Variants in BORCS5 observed in about 807,000 individuals in gnomAD.
The protein encoded by BORCS5 is BLOC-1-related complex subunit 5.
BORCS5 carries 17 observed loss-of-function variants against 22.1 expected under a neutral mutation model. The ratio of observed to expected loss-of-function variants is 0.77; its 90% CI spans 0.53 to 1.15. The LOEUF is 1.15. Ranked by LOEUF, BORCS5 falls within the 50% of genes most tolerant of loss-of-function variation. BORCS5 has a pLI of 0.00. For synonymous variants in BORCS5, 117 were observed against 99.8 expected, an observed-to-expected ratio of 1.17 and a Z score of -1.03; for missense variants, 247 against 253.2, an observed-to-expected ratio of 0.98 and a Z score of 0.17.
At chr12:12,445,293 A>T (rs929479295) in intron 3 of BORCS5, among the ~76,000 whole-genome samples, 1 of 150,700 alleles carries the variant, frequency 6.6e-6, no homozygotes, top group Non-Finnish European at 1.5e-5. Flanking sequence ...CCTCCTACCC[A>T]CCTCCCCAAA....
intron 2 of BORCS5, among the ~76,000 whole-genome samples, chr12:12,424,819 G>A (rs967050814): frequency 6.6e-6 from 1 of 152,156 alleles, no homozygotes; most frequent in Non-Finnish European, 1.5e-5. Flanking sequence ...GGCATGCATA[G>A]CAACTTTCTA....
Position 12,466,095 on chromosome 12 carries a change from A to C in BORCS5, c.*319A>C. On this transcript the variant is annotated 3_prime_UTR_variant, in exon 4 of 4. Transcript: ENST00000314565. The stretch of plus-strand genomic sequence containing the variant: ...TTTTTTTTTTTTTAATTGAGAGTAT[A>C]TAGTCCAGTCCAGGTACCGGAATAA... 1 of 248,256 alleles carries C rather than the reference A, an allele frequency of 4.0e-6. No individual in the cohort carries two copies. The highest frequency in any genetic ancestry group is 7.7e-6 in the Non-Finnish European group (1 of 129,592). The allele number at this position is 248,256 out of a possible 1,614,324, so 15.4% of individuals were successfully genotyped here. A position where few individuals can be genotyped will look rare whatever the true frequency, so the allele number is the denominator to read the frequency against.
intron 3 of BORCS5, among the ~76,000 whole-genome samples, chr12:12,459,791 CT>C (rs1422832938): frequency 1.3e-5 from 2 of 152,104 alleles, no homozygotes; most frequent in African/African-American, 4.8e-5. Context: ...TGTTGAAAAA[CT>C]TTTTTCCCCC....
intron 3 of BORCS5, among the ~76,000 whole-genome samples, chr12:12,456,834 G>A (rs1943005833): frequency 8.9e-6 from 1 of 112,362 alleles, no homozygotes; most frequent in Non-Finnish European, 1.8e-5. Context: ...AGTAGCAGAA[G>A]TACAGAACAA....
intron 3 of BORCS5, among the ~76,000 whole-genome samples, chr12:12,437,892 A>G (rs999571764): frequency 3.7e-4 from 57 of 152,094 alleles, no homozygotes; most frequent in African/African-American, 1.2e-3. Context: ...CTTCCTGAGT[A>G]GCTTAGGACT....
At chr12:12,447,366 G>GA (rs1171381441) in intron 3 of BORCS5, among the ~76,000 whole-genome samples, 2 of 152,122 alleles carry the variant, frequency 1.3e-5, no homozygotes, top group Non-Finnish European at 2.9e-5. Context: ...GATCACAAGG[G>GA]ACCTCCTTCC....
At chr12:12,442,933 A>T (rs892941081) in intron 3 of BORCS5, among the ~76,000 whole-genome samples, 2 of 152,150 alleles carry the variant, frequency 1.3e-5, no homozygotes, top group African/African-American at 4.8e-5. Flanking sequence ...TCATTTTCCA[A>T]GTATTTGACC....
chr12:12,365,559 T>C (rs1195230233), intron 2 of BORCS5, among the ~76,000 whole-genome samples: 2 of 139,608 alleles, frequency 1.4e-5, no homozygotes, highest in East Asian at 5.0e-4. Context: ...GAGAGTGGCG[T>C]GAATCTAGAA....
intron 3 of BORCS5, chr12:12,452,428 G>T: frequency 3.7e-6 from 2 of 544,378 alleles, no homozygotes; most frequent in Non-Finnish European, 7.4e-6. Flanking sequence ...AGGGCTGGTA[G>T]AACTTGGAGA....
chr12:12,420,102 A>T (rs966170952), intron 2 of BORCS5, among the ~76,000 whole-genome samples: 24 of 150,522 alleles, frequency 1.6e-4, no homozygotes, highest in East Asian at 3.9e-4. Flanking sequence ...TTGGTGTTTT[A>T]GACATGAAGT....
At chr12:12,426,805 C>G (rs1388832162) in intron 2 of BORCS5, among the ~76,000 whole-genome samples, 2 of 152,196 alleles carry the variant, frequency 1.3e-5, no homozygotes, top group African/African-American at 4.8e-5. Flanking sequence ...AATAAGGGAG[C>G]TGAATTCAGC....
At chr12:12,422,013 C>T (rs1387877351) in intron 2 of BORCS5, among the ~76,000 whole-genome samples, 1 of 152,106 alleles carries the variant, frequency 6.6e-6, no homozygotes, top group Non-Finnish European at 1.5e-5. Flanking sequence ...CTCCTGGACT[C>T]ATTGATTTTT....
At chr12:12,383,463 G>A (rs986873739) in intron 2 of BORCS5, among the ~76,000 whole-genome samples, 1 of 151,176 alleles carries the variant, frequency 6.6e-6, no homozygotes, top group Non-Finnish European at 1.5e-5. Flanking sequence ...ACAATTTTTG[G>A]TGTTCCTCAG....
At chr12:12,430,151 A>ATTTTTATTTTT (rs1942384957) in intron 2 of BORCS5, among the ~76,000 whole-genome samples, 7 of 107,748 alleles carry the variant, frequency 6.5e-5, no homozygotes, top group Non-Finnish European at 1.1e-4. Flanking sequence ...CTTAGAGAAA[A>ATTTTTATTTTT]TTTTTTTTTT....
intron 1 of BORCS5, among the ~76,000 whole-genome samples, chr12:12,358,593 CT>C (rs1248114542): frequency 6.6e-6 from 1 of 152,196 alleles, no homozygotes; most frequent in Non-Finnish European, 1.5e-5. Context: ...GGTGTGGCAT[CT>C]TTTTAATTTG....
chr12:12,415,900 T>C (rs1941935904), intron 2 of BORCS5, among the ~76,000 whole-genome samples: 1 of 152,194 alleles, frequency 6.6e-6, no homozygotes, highest in African/African-American at 2.4e-5. Context: ...AAAAAGGGTT[T>C]ATGTTAGTTC....
intron 2 of BORCS5, among the ~76,000 whole-genome samples, chr12:12,413,502 C>T (rs1941800990): frequency 6.7e-6 from 1 of 150,334 alleles, no homozygotes; most frequent in Admixed American, 6.6e-5. Flanking sequence ...ACCCGGCAAC[C>T]ATCTGATTTC....
At chr12:12,448,597 C>T (rs943688817) in intron 3 of BORCS5, among the ~76,000 whole-genome samples, 6 of 150,886 alleles carry the variant, frequency 4.0e-5, no homozygotes, top group East Asian at 1.9e-4. Context: ...GTGGCGATCT[C>T]GGCTAACTGC....
At chr12:12,433,969 G>A (rs1942493393) in intron 2 of BORCS5, among the ~76,000 whole-genome samples, 1 of 151,244 alleles carries the variant, frequency 6.6e-6, no homozygotes, top group South Asian at 2.1e-4. Context: ...GGTGGTTGGG[G>A]ACAGTGAGGG....
Sources: gnomAD v4.1 joint callset for allele counts (sites outside exome capture counted in the v4.1 genomes callset) on GRCh38, gnomAD v4.1.1 for gene constraint, MANE v1.5 for transcripts, NCBI Gene and HGNC (gene_info 2026-07-23, HGNC 2026-07-21) for gene names.